The following COPS5 variants were observed in gnomAD, a reference collection of about 807,000 sequenced individuals.
The protein encoded by COPS5 is COP9 signalosome complex subunit 5.
COPS5 carries 8 observed loss-of-function variants against 44.4 expected under a neutral mutation model. The observed-to-expected ratio is 0.18, with a 90% CI of 0.11 to 0.32. The LOEUF (loss-of-function observed/expected upper bound fraction) is 0.32. COPS5 is among the 10% of genes least tolerant of loss of function. The pLI is 1.00. For missense variants in COPS5, 159 were observed against 406.4 expected (o/e 0.39, Z 5.23); for synonymous variants, 122 against 142.8 (o/e 0.85, Z 1.04).
chr8:67,059,004 G>GAA (rs575915856), intron 2 of COPS5, among the ~76,000 whole-genome samples: 10 of 129,152 alleles, frequency 7.7e-5, no homozygotes, highest in African/African-American at 2.5e-4. Context: ...TCCCTGTCTC[G>GAA]AAAAAAAAAA....
chr8:67,045,777 TAG>T, intron 7 of COPS5, 33 bp downstream of exon 7: 1 of 1,610,540 alleles, frequency 6.2e-7, no homozygotes, highest in Non-Finnish European at 8.5e-7. Context: ...GAAAAAGAGT[TAG>T]GGGCAACAGG....
intron 7 of COPS5, 51 bp downstream of exon 7, chr8:67,045,761 T>C: frequency 6.3e-7 from 1 of 1,597,848 alleles, no homozygotes; most frequent in East Asian, 2.2e-5. Context: ...TTTGCAAATT[T>C]TGAAAGAAAA....
In COPS5 at chr8:67,043,146, A is replaced by G; in HGVS notation, c.*87T>C. 1.4e-6 allele frequency: 1 copy of G among 730,730 alleles called. No individual in the cohort carries two copies. The highest frequency in any genetic ancestry group is 1.6e-5 in the South Asian group (1 of 60,990). 45.3% of individuals were successfully genotyped at this position (730,730 alleles called of 1,614,324 possible). On this transcript the variant is annotated 3_prime_UTR_variant, in exon 8 of 8. Coordinates refer to ENST00000357849, the MANE Select transcript of COPS5 (RefSeq NM_006837.3). ...ACACTTCAGAGCACCTTATACTTCT[A>G]ATCAGATTTTGGGTAACTGGTTTTA...
intron 1 of COPS5, chr8:67,061,230 C>A (rs1329486724): frequency 7.1e-6 from 2 of 280,968 alleles, no homozygotes; most frequent in East Asian, 1.1e-4. Context: ...CTTATGGGAA[C>A]TGGTGGAGTA....
Position 67,062,062 on chromosome 8 carries a change from G to C in COPS5, c.-66C>G. 6.2e-7 allele frequency: 1 copy of C among 1,610,282 alleles called. No homozygotes were observed. The highest frequency in any genetic ancestry group is 8.5e-7 in the Non-Finnish European group (1 of 1,178,956). Reference sequence around the variant, plus strand: ...CGCAACTTTACCTCGCTAGGTTTCCGGGTGTGGGCCTTGACCCTCCGCACC... The same window carrying C: ...CGCAACTTTACCTCGCTAGGTTTCCCGGTGTGGGCCTTGACCCTCCGCACC... On this transcript the variant is annotated 5_prime_UTR_variant, in exon 1 of 8. Coordinates refer to ENST00000357849, the MANE Select transcript of COPS5 (RefSeq NM_006837.3).
chr8:67,052,844 TA>T (rs1361152465), intron 5 of COPS5, among the ~76,000 whole-genome samples: 3 of 151,052 alleles, frequency 2.0e-5, no homozygotes, highest in Non-Finnish European at 4.4e-5. Context: ...AAAAGAAATT[TA>T]AACTTTATCC....
At chr8:67,046,979 T>TA (rs1267099445) in intron 6 of COPS5, among the ~76,000 whole-genome samples, 2 of 152,138 alleles carry the variant, frequency 1.3e-5, no homozygotes, top group African/African-American at 4.8e-5. Context: ...AGAGCATTGC[T>TA]ATATGCTCAC....
At position 67,043,122 on chromosome 8, in the gene COPS5, C is replaced by T; in HGVS notation, c.*111G>A. The T allele has an allele frequency of 1.7e-6, 1 of 591,774 alleles. No homozygotes were observed. Among genetic ancestry groups the T allele is most frequent in the South Asian group, 2.2e-5 (1 of 45,784 alleles). 36.7% of individuals were successfully genotyped at this position (591,774 alleles called of 1,614,324 possible). ...TATTACAGGATATTAATATTTAGGA[C>T]ACTTCAGAGCACCTTATACTTCTAA... On this transcript the variant is annotated 3_prime_UTR_variant, in exon 8 of 8. Coordinates refer to ENST00000357849, the MANE Select transcript of COPS5 (RefSeq NM_006837.3).
intron 6 of COPS5, among the ~76,000 whole-genome samples, chr8:67,047,182 T>C (rs1324095495): frequency 2.0e-5 from 3 of 152,192 alleles, no homozygotes; most frequent in African/African-American, 7.2e-5. Context: ...AAGTAGTATG[T>C]CGTTCTATTT....
intron 4 of COPS5, 37 bp downstream of exon 4, chr8:67,057,343 C>G (rs764901154): frequency 7.2e-7 from 1 of 1,397,822 alleles, no homozygotes; most frequent in Non-Finnish European, 1.0e-6. Context: ...CTAGGTAACA[C>G]AGTGAGACTC....
At position 67,045,931 on chromosome 8, in the gene COPS5, A is replaced by T; in HGVS notation, c.801T>A (p.Phe267Leu). 1 of 1,614,182 alleles carries T rather than the reference A, an allele frequency of 6.2e-7. No homozygotes were observed. The highest frequency in any genetic ancestry group is 8.5e-7 in the Non-Finnish European group (1 of 1,180,012). The change falls in exon 7 of 8, where the codon TTT becomes TTA. Residue 267 changes from phenylalanine (F) to leucine (L), a missense_variant. Physicochemically the swap from Phe to Leu is conservative, Grantham distance 22. This residue lies in a region of COPS5 where 134 missense variants were observed against 376.7 expected (regional missense o/e 0.36). Transcript: ENST00000357849. ...ACTGCTCTAACTTTTCAGACAAATC[A>T]AAGACCTGACCAGTGGTATAGTCTG... ...TNADYTTGQV[F>L]DLSEKLEQSE... is the part of the protein sequence containing the mutation.
chr8:67,051,429 C>G, intron 5 of COPS5, 88 bp from the exon 6 acceptor site: 2 of 675,528 alleles, frequency 3.0e-6, no homozygotes, highest in Non-Finnish European at 5.1e-6. Flanking sequence ...AAGTGAGTTA[C>G]ACTTTATTCT....
intron 6 of COPS5, among the ~76,000 whole-genome samples, chr8:67,050,614 A>AGTGTGTGTGTGT (rs5892073): frequency 3.9e-4 from 55 of 141,150 alleles, no homozygotes; most frequent in African/African-American, 1.3e-3. Context: ...TGAGTGTGAG[A>AGTGTGTGTGTGT]GTGTGTGTGT....
chr8:67,050,156 C>T (rs1804377885), intron 6 of COPS5, among the ~76,000 whole-genome samples: 1 of 152,162 alleles, frequency 6.6e-6, no homozygotes. Context: ...CGCCCACCAC[C>T]TCGCCCGGCT....
intron 4 of COPS5, 110 bp downstream of exon 4, chr8:67,057,270 G>A: frequency 3.7e-6 from 2 of 541,294 alleles, no homozygotes; most frequent in South Asian, 8.1e-5. Context: ...GTTGGCTTGA[G>A]CCTAGGCGAT....
At chr8:67,056,966 CTTGT>C (rs933916959) in intron 4 of COPS5, among the ~76,000 whole-genome samples, 2 of 151,860 alleles carry the variant, frequency 1.3e-5, no homozygotes, top group African/African-American at 4.8e-5. Flanking sequence ...ATAGATTTAG[CTTGT>C]TTTTTCTCTA....
intron 5 of COPS5, among the ~76,000 whole-genome samples, chr8:67,053,947 A>G (rs1585713016): frequency 6.6e-6 from 1 of 150,472 alleles, no homozygotes; most frequent in African/African-American, 2.4e-5. Flanking sequence ...CAGAGCTTGC[A>G]GTGAGCCGAG....
intron 6 of COPS5, among the ~76,000 whole-genome samples, chr8:67,047,485 A>G (rs1310127559): frequency 6.6e-6 from 1 of 152,248 alleles, no homozygotes; most frequent in African/African-American, 2.4e-5. Flanking sequence ...TGACAATAAA[A>G]GATATCCAAT....
chr8:67,043,306 G>A lies in COPS5; in HGVS notation c.932C>T (p.Thr311Ile). ...AKATRDSCKT[T>I]IEAIHGLMSQ... ...CATCAATCCATGGATAGCTTCTATGGTAGTTTTACAGCTGGAAAAAAAAAC... is the reference window on the plus strand; with the variant it reads ...CATCAATCCATGGATAGCTTCTATGATAGTTTTACAGCTGGAAAAAAAAAC... The change falls in exon 8 of 8, where the codon ACC becomes ATC. Residue 311 changes from threonine to isoleucine, a missense_variant. By Grantham distance (89) the Thr-to-Ile change is moderately conservative (BLOSUM62 -1). Around this residue, in one of 2 missense-constraint regions of COPS5, gnomAD observed 134 missense variants for 376.7 expected, o/e 0.36. Transcript: ENST00000357849. 1 of 1,593,778 alleles carries A rather than the reference G, an allele frequency of 6.3e-7. No homozygotes were observed. Among genetic ancestry groups the A allele is most frequent in the Non-Finnish European group, 8.6e-7 (1 of 1,166,836 alleles).
Sources: gnomAD v4.1 joint callset for allele counts (sites outside exome capture counted in the v4.1 genomes callset) on GRCh38, gnomAD v4.1.1 for gene constraint, gnomAD v4.1.1 regional missense constraint, MANE v1.5 for transcripts, NCBI Gene and HGNC (gene_info 2026-07-23, HGNC 2026-07-21) for gene names.